Variants in GMPS observed in about 807,000 individuals in gnomAD.
GMPS encodes the protein GMP synthase [glutamine-hydrolyzing].
Under a neutral mutation model 77.9 loss-of-function variants are expected in GMPS, and 15 were observed. That is an observed-to-expected ratio of 0.19 (90% CI 0.13 to 0.30). The LOEUF (loss-of-function observed/expected upper bound fraction) is 0.30. Among genes scored for constraint, GMPS ranks in the 10% least tolerant of loss-of-function variants. The pLI, the probability that GMPS is intolerant of heterozygous loss-of-function variation, is 1.00. For missense variants in GMPS, 590 were observed against 838.8 expected (o/e 0.70, Z 3.66); for synonymous variants, 224 against 275.9 (o/e 0.81, Z 1.86).
intron 5 of GMPS, among the ~76,000 whole-genome samples, 188 bp downstream of exon 5, chr3:155,906,451 A>G (rs1382994491): frequency 1.3e-5 from 2 of 152,212 alleles, no homozygotes; most frequent in Non-Finnish European, 2.9e-5. Flanking sequence ...AGGATTATCC[A>G]GAAGTCTCTC....
intron 8 of GMPS, among the ~76,000 whole-genome samples, chr3:155,915,007 A>G (rs539423653): frequency 6.6e-6 from 1 of 151,844 alleles, no homozygotes; most frequent in South Asian, 2.1e-4. Context: ...TGACCTCATG[A>G]TCCGCCCGCC....
rs750408110 is a variant in GMPS at position 155,942,714 on chromosome 3, A to T, written c.*5022A>T. 24 of 227,658 alleles carry T rather than the reference A, an allele frequency of 1.1e-4. No homozygotes were observed. Among genetic ancestry groups the T allele is most frequent in the Non-Finnish European group, 1.9e-4 (22 of 114,666 alleles). The allele number at this position is 227,658 out of a possible 1,614,324, so 14.1% of individuals were successfully genotyped here. A position where few individuals can be genotyped will look rare whatever the true frequency, so the allele number is the denominator to read the frequency against. ...CTGTTCTTTCAACCTCTTTCTTCTT[A>T]CTTCTTTACTTTTCCTTCAGAGAGG... is the stretch of plus-strand genomic sequence containing the variant. On this transcript the variant is annotated 3_prime_UTR_variant, in exon 16 of 16. Transcript: ENST00000496455.
At chr3:155,894,494 G>A (rs1754553122) in intron 2 of GMPS, among the ~76,000 whole-genome samples, 1 of 152,020 alleles carries the variant, frequency 6.6e-6, no homozygotes, top group Admixed American at 6.5e-5. Flanking sequence ...ATAGTGCTGG[G>A]ATTACCGGCG....
At chr3:155,898,913 T>G (rs761308674) in intron 3 of GMPS, among the ~76,000 whole-genome samples, 9 of 152,150 alleles carry the variant, frequency 5.9e-5, no homozygotes, top group Non-Finnish European at 1.2e-4. Context: ...AATTAATAAG[T>G]ATATGTGCCT....
intron 1 of GMPS, among the ~76,000 whole-genome samples, chr3:155,887,351 A>G (rs993484774): frequency 1.3e-5 from 2 of 152,192 alleles, no homozygotes; most frequent in South Asian, 4.1e-4. Context: ...ACAAAATGAC[A>G]TTGTGTCTTT....
intron 1 of GMPS, among the ~76,000 whole-genome samples, chr3:155,887,178 G>C (rs1165242708): frequency 6.6e-6 from 1 of 152,184 alleles, no homozygotes; most frequent in Non-Finnish European, 1.5e-5. Flanking sequence ...TAAAGAGTAG[G>C]CCAGGTTCTT....
intron 12 of GMPS, 130 bp from the exon 13 acceptor site, chr3:155,931,635 A>G: frequency 6.0e-6 from 3 of 501,842 alleles, no homozygotes; most frequent in Non-Finnish European, 1.1e-5. Flanking sequence ...TCCATTAATA[A>G]TGTCACCATG....
At chr3:155,909,091 G>A (rs1277454184) in intron 5 of GMPS, among the ~76,000 whole-genome samples, 1 of 152,170 alleles carries the variant, frequency 6.6e-6, no homozygotes, top group East Asian at 1.9e-4. Context: ...GAAGTACTGT[G>A]GTATAGTAGA....
chr3:155,923,026 A>G (rs1755355290), intron 11 of GMPS, among the ~76,000 whole-genome samples: 1 of 152,314 alleles, frequency 6.6e-6, no homozygotes, highest in South Asian at 2.1e-4. Context: ...TACAAATCAC[A>G]TATAGAAGTA....
chr3:155,931,892 A>G lies in GMPS; in HGVS notation c.1676+12A>G. The stretch of plus-strand genomic sequence containing the variant: ...CACAACGTTAACAGGTGTGTTTCAC[A>G]GGAGCTAGGGTGGGGGCTTGTGTAA... On this transcript the variant is annotated intron_variant, in intron 13 of 15. Transcript: ENST00000496455. The G allele has an allele frequency of 8.3e-7, 1 of 1,211,964 alleles. No individual in the cohort carries two copies. Among genetic ancestry groups the G allele is most frequent in the South Asian group, 1.2e-5 (1 of 82,300 alleles). 75.1% of individuals were successfully genotyped at this position (1,211,964 alleles called of 1,614,324 possible).
intron 1 of GMPS, among the ~76,000 whole-genome samples, chr3:155,891,906 G>A (rs931493544): frequency 4.6e-5 from 7 of 152,084 alleles, no homozygotes; most frequent in South Asian, 2.1e-4. Context: ...ATGCCTGAAC[G>A]CTTGTTCGTT....
intron 5 of GMPS, among the ~76,000 whole-genome samples, chr3:155,910,233 C>T (rs1755002142): frequency 6.6e-6 from 1 of 151,914 alleles, no homozygotes; most frequent in African/African-American, 2.4e-5. Flanking sequence ...GGCAACAGAG[C>T]GAGACTCCGT....
intron 1 of GMPS, among the ~76,000 whole-genome samples, chr3:155,887,402 A>G (rs1284554729): frequency 6.6e-6 from 1 of 152,244 alleles, no homozygotes. Flanking sequence ...AACATTACCA[A>G]TGTAAATTTC....
At chr3:155,924,208 A>C (rs755895310) in intron 11 of GMPS, among the ~76,000 whole-genome samples, 8 of 152,224 alleles carry the variant, frequency 5.3e-5, no homozygotes, top group African/African-American at 1.9e-4. Context: ...AACTGACTTG[A>C]GGAGAAGCAG....
At chr3:155,916,317 CCTTACCCTAA>C (rs1378815632) in intron 9 of GMPS, 125 bp downstream of exon 9, 1 of 676,660 alleles carries the variant, frequency 1.5e-6, no homozygotes, top group African/African-American at 1.8e-5. Flanking sequence ...AGAACATTTT[CCTTACCCTAA>C]AAAGGAACCT....
intron 1 of GMPS, among the ~76,000 whole-genome samples, chr3:155,889,740 G>T: frequency 6.6e-6 from 1 of 152,234 alleles, no homozygotes; most frequent in East Asian, 1.9e-4. Flanking sequence ...TATTCTTAAA[G>T]AGTTTGCTGT....
intron 12 of GMPS, among the ~76,000 whole-genome samples, chr3:155,931,058 T>A (rs1216784539): frequency 6.6e-6 from 1 of 152,046 alleles, no homozygotes; most frequent in Non-Finnish European, 1.5e-5. Context: ...ACTTCTGGGC[T>A]CAACTGACCC....
chr3:155,908,324 TGTG>T (rs1371124760), intron 5 of GMPS, among the ~76,000 whole-genome samples: 1 of 152,222 alleles, frequency 6.6e-6, no homozygotes, highest in Non-Finnish European at 1.5e-5. Flanking sequence ...CCTGTTCCTG[TGTG>T]GTGACCTCGG....
intron 1 of GMPS, among the ~76,000 whole-genome samples, chr3:155,879,323 A>G (rs1229649256): frequency 1.5e-5 from 2 of 137,016 alleles, no homozygotes; most frequent in Non-Finnish European, 3.0e-5. Flanking sequence ...GCTGGACTGC[A>G]GTGGTGCTAT....
Sources: gnomAD v4.1 joint callset for allele counts (sites outside exome capture counted in the v4.1 genomes callset) on GRCh38, gnomAD v4.1.1 for gene constraint, MANE v1.5 for transcripts, NCBI Gene and HGNC (gene_info 2026-07-23, HGNC 2026-07-21) for gene names.